Variants in ATG7 observed in about 807,000 individuals in gnomAD.
ATG7 encodes the protein autophagy related 7, also known as ubiquitin-like modifier-activating enzyme ATG7.
ATG7 carries 70 observed loss-of-function variants against 82.4 expected under a neutral mutation model. The observed-to-expected ratio is 0.85, with a 90% CI of 0.70 to 1.04. The LOEUF is 1.04. ATG7 is among the 50% of genes least tolerant of loss of function. ATG7 has a pLI of 0.00. For synonymous variants in ATG7, 287 were observed against 313.0 expected, an observed-to-expected ratio of 0.92 and a Z score of 0.88; for missense variants, 792 against 864.3, an observed-to-expected ratio of 0.92 and a Z score of 1.05.
Position 11,545,660 on chromosome 3 carries a change from T to C in ATG7, c.2080-9151T>C, listed in dbSNP as rs573998780. 2.7e-4 allele frequency among the ~76,000 whole-genome samples: 40 copies of C among 148,018 alleles called. No individual in the cohort carries two copies. The East Asian group carries it at 5.4e-3, about 20-fold the overall frequency. On this transcript the variant is annotated intron_variant, in intron 20 of 20. Transcript: ENST00000693202. ...CTGGGCCTCGGGGCTGTGCTTGGGC[T>C]CCGTGTCCCGAGCAGCCCTGCCAGG... is the stretch of plus-strand genomic sequence containing the variant.
intron 20 of ATG7, among the ~76,000 whole-genome samples, chr3:11,472,903 C>G (rs1169999807): frequency 6.6e-6 from 1 of 152,120 alleles, no homozygotes; most frequent in Non-Finnish European, 1.5e-5. Flanking sequence ...CCTTAAAATT[C>G]CCAGTGGTTT....
chr3:11,358,396 C>G (rs189484697), intron 14 of ATG7, 22 bp from the exon 15 acceptor site: 2 of 1,602,214 alleles, frequency 1.2e-6, no homozygotes, highest in African/African-American at 2.7e-5. Context: ...CCAGACATAA[C>G]TACGTCCTGG....
intron 20 of ATG7, among the ~76,000 whole-genome samples, chr3:11,508,301 G>A (rs923201547): frequency 4.7e-5 from 7 of 149,206 alleles, no homozygotes; most frequent in African/African-American, 7.4e-5. Context: ...ACCTTGGGCC[G>A]CACATAAAAT....
At chr3:11,440,559 C>T (rs1473397993) in intron 20 of ATG7, among the ~76,000 whole-genome samples, 1 of 149,962 alleles carries the variant, frequency 6.7e-6, no homozygotes, top group Non-Finnish European at 1.5e-5. Flanking sequence ...CTCCTGACCT[C>T]GTGATCCGCC....
At chr3:11,523,530 A>G (rs908093010) in intron 20 of ATG7, among the ~76,000 whole-genome samples, 3 of 152,200 alleles carry the variant, frequency 2.0e-5, no homozygotes, top group Non-Finnish European at 4.4e-5. Context: ...GTGATGGAAA[A>G]GTCTGTGCTG....
intron 19 of ATG7, among the ~76,000 whole-genome samples, chr3:11,388,990 G>A (rs1218956922): frequency 6.6e-6 from 1 of 151,908 alleles, no homozygotes; most frequent in Non-Finnish European, 1.5e-5. Context: ...GTTCACACCT[G>A]TAATATCAGC....
chr3:11,408,122 G>A (rs1173736382), intron 19 of ATG7, among the ~76,000 whole-genome samples: 3 of 152,146 alleles, frequency 2.0e-5, no homozygotes, highest in African/African-American at 7.2e-5. Context: ...GTTACCTCTT[G>A]AATGCTTTGC....
At chr3:11,425,885 A>T (rs1012347123) in intron 19 of ATG7, among the ~76,000 whole-genome samples, 1 of 152,172 alleles carries the variant, frequency 6.6e-6, no homozygotes. Context: ...TTTTAATTTT[A>T]TATAAATGTA....
chr3:11,553,292 ACCTCACAGGTAGATGTGAG>A (rs2125069011), intron 20 of ATG7, among the ~76,000 whole-genome samples: 1 of 41,586 alleles, frequency 2.4e-5, no homozygotes, highest in South Asian at 1.1e-3. Context: ...ATGTGAGGTC[ACCTCACAGGTAGATGTGAG>A]GAGTGAAAGA....
At chr3:11,497,657 C>T (rs1199768350) in intron 20 of ATG7, among the ~76,000 whole-genome samples, 10 of 151,506 alleles carry the variant, frequency 6.6e-5, no homozygotes, top group East Asian at 5.8e-4. Flanking sequence ...TCTAGTCCCT[C>T]GAGATACAAA....
At chr3:11,525,479 CCCTTGT>C (rs2092554607) in intron 20 of ATG7, among the ~76,000 whole-genome samples, 1 of 145,808 alleles carries the variant, frequency 6.9e-6, no homozygotes, top group Admixed American at 6.8e-5. Flanking sequence ...TACTCCTTTG[CCCTTGT>C]ATGTGACAGA....
intron 20 of ATG7, among the ~76,000 whole-genome samples, chr3:11,526,098 T>A (rs535529065): frequency 1.3e-5 from 2 of 152,254 alleles, no homozygotes; most frequent in African/African-American, 4.8e-5. Context: ...TGAATCATAA[T>A]CTTCATCAAG....
At chr3:11,524,807 A>G (rs1010111602) in intron 20 of ATG7, among the ~76,000 whole-genome samples, 3 of 151,870 alleles carry the variant, frequency 2.0e-5, no homozygotes, top group African/African-American at 4.8e-5. Context: ...AACAAAAACA[A>G]AAAAAAACAA....
intron 18 of ATG7, 38 bp from the exon 19 acceptor site, chr3:11,379,934 G>C (rs758603174): frequency 4.4e-6 from 7 of 1,587,580 alleles, no homozygotes; most frequent in Non-Finnish European, 6.1e-6. Context: ...TGGTCGTTGT[G>C]TGTTTGATGT....
intron 18 of ATG7, among the ~76,000 whole-genome samples, chr3:11,379,141 A>G (rs2077679982): frequency 6.6e-6 from 1 of 152,178 alleles, no homozygotes; most frequent in Admixed American, 6.5e-5. Flanking sequence ...TTTTCAACAT[A>G]AAATGGGGAA....
chr3:11,306,886 T>A (rs1947837171), intron 5 of ATG7, 57 bp from the exon 6 acceptor site: 1 of 1,387,584 alleles, frequency 7.2e-7, no homozygotes, highest in Non-Finnish European at 1.0e-6. Flanking sequence ...GGTTGACTTG[T>A]CTCTCCCTGG....
chr3:11,334,450 G>A (rs942254422), intron 11 of ATG7, among the ~76,000 whole-genome samples: 1 of 150,644 alleles, frequency 6.6e-6, no homozygotes, highest in Non-Finnish European at 1.5e-5. Flanking sequence ...CACCATGTTG[G>A]TCAGGCCAGT....
At chr3:11,516,537 T>A (rs1194898240) in intron 20 of ATG7, among the ~76,000 whole-genome samples, 1 of 152,116 alleles carries the variant, frequency 6.6e-6, no homozygotes, top group African/African-American at 2.4e-5. Context: ...CTAAACACAC[T>A]CTTACTGTGT....
In ATG7 at chr3:11,372,445, C is replaced by A. The variant is rs111937999; in HGVS notation, c.1876-7527C>A. 2.3e-3 allele frequency among the ~76,000 whole-genome samples: 340 copies of A among 150,672 alleles called. 17 individuals are homozygous for A. The highest frequency in any genetic ancestry group is 8.0e-3 in the African/African-American group (325 of 40,850). ...GTTTTGAAAAATTAAGATTATAAGC[C>A]TTTTTTAAAATCACCTTTTTCAAGA... On this transcript the variant is annotated intron_variant, in intron 18 of 20. Coordinates refer to ENST00000693202, the MANE Select transcript of ATG7 (RefSeq NM_001349232.2).
Sources: allele counts gnomAD v4.1 joint callset (sites outside exome capture counted in the v4.1 genomes callset), GRCh38; gene constraint gnomAD v4.1.1; transcripts MANE v1.5; gene names NCBI Gene and HGNC (gene_info 2026-07-23, HGNC 2026-07-21).